The following HYLS1 variants were observed in gnomAD, a reference collection of about 807,000 sequenced individuals.
HYLS1 encodes the protein HYLS1 centriolar and ciliogenesis associated.
In HYLS1, 25 loss-of-function variants were observed where a neutral mutation model predicts 29.4. The observed-to-expected ratio is 0.85, with a 90% CI of 0.62 to 1.19. The LOEUF (loss-of-function observed/expected upper bound fraction) is 1.19, where lower values mean the gene tolerates loss of function less well. Among genes scored for constraint, HYLS1 ranks in the 50% most tolerant of loss-of-function variants. The pLI is 0.00. For missense variants in HYLS1, 352 were observed against 365.1 expected (o/e 0.96, Z 0.29); for synonymous variants, 128 against 126.7 (o/e 1.01, Z -0.07).
In HYLS1 at chr11:125,899,714, A is replaced by T. The variant is rs776244151; in HGVS notation, c.346A>T (p.Ser116Cys). The T allele has an allele frequency of 6.2e-6, 10 of 1,614,130 alleles. No individual in the cohort carries two copies. The South Asian group carries it at 9.9e-5, about 16-fold the overall frequency. Residue 116 changes from serine to cysteine, a missense_variant, in exon 3 of 3, where the codon AGT becomes TGT. Transcript: ENST00000425380. The stretch of plus-strand genomic sequence containing the variant: ...ATTAGTAACAGATGAGTCGATTATC[A>T]GTGAATCAGAATCTGGTACAGAAAA... ...EVLVTDESIISESESGTENDQ... is the reference protein window; with the variant it reads ...EVLVTDESIICESESGTENDQ...
At chr11:125,891,504 T>A (rs1178440274) in intron 2 of HYLS1, 32 bp downstream of exon 2, 3 of 124,018 alleles carry the variant, frequency 2.4e-5, no homozygotes, top group Non-Finnish European at 5.2e-5. Flanking sequence ...AAAAAAACCT[T>A]GGTTTGCACT....
At chr11:125,895,749 C>T (rs1944563825) in intron 2 of HYLS1, 3 of 1,608,824 alleles carry the variant, frequency 1.9e-6, no homozygotes, top group Non-Finnish European at 2.5e-6. Context: ...CTCGGAATCC[C>T]TGCCCCTTGG....
chr11:125,899,709 T>C lies in HYLS1; in HGVS notation c.341T>C (p.Ile114Thr). 1.2e-6 allele frequency: 2 copies of C among 1,614,126 alleles called. No homozygotes were observed. The highest frequency in any genetic ancestry group is 3.3e-5 in the Admixed American group (2 of 60,018). ...GAAGTATTAGTAACAGATGAGTCGA[T>C]TATCAGTGAATCAGAATCTGGTACA... ...DGEVLVTDES[I>T]ISESESGTEN... Residue 114 changes from isoleucine (I) to threonine (T), a missense_variant, in exon 3 of 3, where the codon ATT becomes ACT. Physicochemically the swap from Ile to Thr is moderately conservative, Grantham distance 89. Transcript: ENST00000425380.
At position 125,899,619 on chromosome 11, in the gene HYLS1, A is replaced by C; in HGVS notation, c.251A>C (p.Glu84Ala). ...AATGTCCCTTCAGAAACAGTCTCTG[A>C]GGCCTCCCAAAGACTCCGAAAGCCA... is the stretch of plus-strand genomic sequence containing the variant. ...ESNVPSETVS[E>A]ASQRLRKPVM... is the part of the protein sequence containing the mutation. Residue 84 changes from glutamate (E) to alanine (A), a missense_variant, in exon 3 of 3, where the codon GAG becomes GCG. Transcript: ENST00000425380. 6.2e-7 allele frequency: 1 copy of C among 1,614,166 alleles called. No homozygotes were observed.
Position 125,899,781 on chromosome 11 carries a change from T to C in HYLS1, c.413T>C (p.Val138Ala), listed in dbSNP as rs774323087. Residue 138 changes from valine to alanine, a missense_variant, in exon 3 of 3, where the codon GTA (valine) becomes GCA (alanine). Val to Ala is a moderately conservative substitution (Grantham distance 64, BLOSUM62 0). Coordinates refer to ENST00000425380, the MANE Select transcript of HYLS1 (RefSeq NM_001134793.2). Reference sequence around the variant, plus strand: ...GACTTAAGACAAAGGCTGATGAATGTACAGTTCCAGGAAGACAAGGAATCT... The same window carrying C: ...GACTTAAGACAAAGGCTGATGAATGCACAGTTCCAGGAAGACAAGGAATCT... ...LWDLRQRLMNVQFQEDKESSF... is the reference protein window; with the variant it reads ...LWDLRQRLMNAQFQEDKESSF... 6.2e-7 allele frequency: 1 copy of C among 1,614,202 alleles called. No individual in the cohort carries two copies. Among genetic ancestry groups the C allele is most frequent in the Admixed American group, 1.7e-5 (1 of 60,030 alleles).
At chr11:125,885,856 G>A (rs1030604913), upstream of HYLS1, among the ~76,000 whole-genome samples, 6 of 152,126 alleles carry the variant, frequency 3.9e-5, no homozygotes, top group Admixed American at 2.6e-4. Context: ...TGTGAACTGC[G>A]CAAGCCAGGG....
chr11:125,895,743 G>A, intron 2 of HYLS1: 1 of 1,610,618 alleles, frequency 6.2e-7, no homozygotes, highest in Non-Finnish European at 8.5e-7. Context: ...AAAGTCCTCG[G>A]AATCCCTGCC....
chr11:125,896,247 T>G, intron 2 of HYLS1: 5 of 1,613,086 alleles, frequency 3.1e-6, no homozygotes, highest in African/African-American at 2.7e-5. Context: ...TTTTAGGAGC[T>G]TCTCAGTCTG....
In HYLS1 at chr11:125,896,283, A is replaced by G. The variant is rs1296929975; in HGVS notation, c.-25-3061A>G. On this transcript the variant is annotated intron_variant, in intron 2 of 2. Transcript: ENST00000425380. ...GTTTCTGTCTGTGTCATTATAAGCC[A>G]TGATATGACAACCCCAGGAATAAAC... 3.1e-6 allele frequency: 5 copies of G among 1,602,426 alleles called. No homozygotes were observed. The highest frequency in any genetic ancestry group is 2.2e-5 in the East Asian group (1 of 44,850).
chr11:125,899,163 T>TA, intron 2 of HYLS1, 181 bp from the exon 3 acceptor site: 1 of 569,220 alleles, frequency 1.8e-6, no homozygotes, highest in Non-Finnish European at 3.1e-6. Context: ...AAGCAGGTAA[T>TA]AGATTCCCTA....
chr11:125,899,008 C>A, intron 2 of HYLS1: 2 of 198,564 alleles, frequency 1.0e-5, no homozygotes, highest in Non-Finnish European at 2.1e-5. Flanking sequence ...TAAAGTACTC[C>A]CTAAGTACCT....
chr11:125,894,344 T>C, intron 2 of HYLS1: 1 of 1,434,840 alleles, frequency 7.0e-7, no homozygotes. Context: ...AACAGTTCTT[T>C]AAAAACTAAG....
At chr11:125,885,772 G>A (rs1478332455), upstream of HYLS1, among the ~76,000 whole-genome samples, 1 of 152,242 alleles carries the variant, frequency 6.6e-6, no homozygotes, top group Non-Finnish European at 1.5e-5. Context: ...CTCCCCATCT[G>A]GCATTACTGC....
At chr11:125,893,842 A>G (rs377755194) in intron 2 of HYLS1, 17 of 1,614,004 alleles carry the variant, frequency 1.1e-5, no homozygotes, top group African/African-American at 1.3e-5. Flanking sequence ...GTGTCTCCAA[A>G]TTAGTATTCT....
In HYLS1 at chr11:125,892,708, A is replaced by G. The variant is rs188891419; in HGVS notation, c.-26+1236A>G. Reference sequence around the variant, plus strand: ...GCCATTTTCATCATCTATTGCCTCCATTACTCCAGCAGCCCCCTAATTGGT... The same window carrying G: ...GCCATTTTCATCATCTATTGCCTCCGTTACTCCAGCAGCCCCCTAATTGGT... On this transcript the variant is annotated intron_variant, in intron 2 of 2. Coordinates refer to ENST00000425380, the MANE Select transcript of HYLS1 (RefSeq NM_001134793.2). 5.9e-5 allele frequency among the ~76,000 whole-genome samples: 9 copies of G among 152,288 alleles called. No individual in the cohort carries two copies. In the East Asian group the frequency reaches 1.7e-3, roughly 29 times the overall value.
upstream of HYLS1, among the ~76,000 whole-genome samples, chr11:125,885,204 C>A (rs1944284973): frequency 6.6e-6 from 1 of 152,186 alleles, no homozygotes; most frequent in Non-Finnish European, 1.5e-5. Flanking sequence ...GAAATCCCAG[C>A]ACTTTGGGAG....
chr11:125,887,378 C>T (rs547884061), upstream of HYLS1: 301 of 152,382 alleles, frequency 2.0e-3, 4 homozygotes, highest in African/African-American at 7.0e-3. Flanking sequence ...GAGGGCCCAA[C>T]CTCCCCTCCA....
intron 2 of HYLS1, chr11:125,896,019 A>G: frequency 3.1e-6 from 5 of 1,614,114 alleles, no homozygotes; most frequent in Non-Finnish European, 4.2e-6. Context: ...TTTCTCTTCA[A>G]TGGTATTATT....
intron 2 of HYLS1, chr11:125,895,241 G>A: frequency 6.3e-7 from 1 of 1,588,842 alleles, no homozygotes; most frequent in Non-Finnish European, 8.5e-7. Context: ...GAGGCTTTTG[G>A]GGATTTTTCT....
Sources: gnomAD v4.1 joint callset for allele counts (sites outside exome capture counted in the v4.1 genomes callset) on GRCh38, gnomAD v4.1.1 for gene constraint, MANE v1.5 for transcripts, NCBI Gene and HGNC (gene_info 2026-07-23, HGNC 2026-07-21) for gene names.